The following ANKRD30BL variants were observed in gnomAD, a reference collection of about 807,000 sequenced individuals.
ANKRD30BL encodes the protein ankyrin repeat domain 30B like, also known as putative ankyrin repeat domain-containing protein 30B-like.
A neutral mutation model predicts 18.4 loss-of-function variants in ANKRD30BL; 20 were observed. The ratio of observed to expected loss-of-function variants is 1.09; its 90% CI spans 0.77 to 1.58. The LOEUF (loss-of-function observed/expected upper bound fraction) is 1.58, where lower values mean the gene tolerates loss of function less well. ANKRD30BL is among the 40% of genes most tolerant of loss of function. The pLI, the probability that ANKRD30BL is intolerant of heterozygous loss-of-function variation, is 0.00. For missense variants in ANKRD30BL, 224 were observed against 268.6 expected (o/e 0.83, Z 1.16); for synonymous variants, 72 against 100.9 (o/e 0.71, Z 1.72).
chr2:132,203,744 C>A (rs9630952), intron 1 of ANKRD30BL, among the ~76,000 whole-genome samples: 1 of 142,418 alleles, frequency 7.0e-6, no homozygotes, highest in Non-Finnish European at 1.6e-5. Context: ...AAAGGAAAAC[C>A]GATTTTCTTT....
intron 1 of ANKRD30BL, among the ~76,000 whole-genome samples, chr2:132,219,142 C>A (rs1679595890): frequency 6.6e-6 from 1 of 151,314 alleles, no homozygotes; most frequent in Non-Finnish European, 1.5e-5. Flanking sequence ...AGGGGAGTAT[C>A]TTCACATAAA....
At chr2:132,189,180 G>T (rs1438121841) in intron 1 of ANKRD30BL, among the ~76,000 whole-genome samples, 1 of 152,192 alleles carries the variant, frequency 6.6e-6, no homozygotes, top group Admixed American at 6.5e-5. Context: ...AGGAAATTCT[G>T]CACTTAGATG....
At chr2:132,216,938 C>T (rs1679521042) in intron 1 of ANKRD30BL, among the ~76,000 whole-genome samples, 1 of 151,864 alleles carries the variant, frequency 6.6e-6, no homozygotes, top group Non-Finnish European at 1.5e-5. Flanking sequence ...AATCACTAGA[C>T]AGAAGCATTC....
upstream of ANKRD30BL, among the ~76,000 whole-genome samples, chr2:132,165,765 CTTT>C (rs542769216): frequency 3.6e-5 from 5 of 137,758 alleles, no homozygotes; most frequent in Non-Finnish European, 1.6e-5. Flanking sequence ...ATATGTAAGA[CTTT>C]TTTTTTTTTT....
chr2:132,222,843 A>AAAAAAAAAAAAAAAAAAAAAAAAAAAAAC (rs1679730621), intron 1 of ANKRD30BL, among the ~76,000 whole-genome samples: 1 of 116,958 alleles, frequency 8.6e-6, no homozygotes, highest in Non-Finnish European at 1.6e-5. Flanking sequence ...AAAAAAAAAA[A>AAAAAAAAAAAAAAAAAAAAAAAAAAAAAC]AAAAAAAAAA....
chr2:132,232,425 T>C (rs1231146435), intron 1 of ANKRD30BL, among the ~76,000 whole-genome samples: 1 of 152,116 alleles, frequency 6.6e-6, no homozygotes. Context: ...GCAAAGAAGT[T>C]GAAAACTTTG....
intron 1 of ANKRD30BL, among the ~76,000 whole-genome samples, chr2:132,242,454 T>C (rs1365489047): frequency 1.3e-5 from 2 of 151,822 alleles, no homozygotes; most frequent in African/African-American, 4.8e-5. Flanking sequence ...TTCCCTTTCA[T>C]AGAGCAGGGT....
chr2:132,256,469 T>C (rs1336400446), intron 1 of ANKRD30BL, among the ~76,000 whole-genome samples: 3 of 152,294 alleles, frequency 2.0e-5, no homozygotes, highest in Admixed American at 6.5e-5. Context: ...CGGCCACTCA[T>C]GCGCGGAGGG....
intron 1 of ANKRD30BL, among the ~76,000 whole-genome samples, chr2:132,160,401 C>CTTTTTTTT (rs33924872): frequency 9.4e-4 from 92 of 97,550 alleles, no homozygotes; most frequent in African/African-American, 3.7e-3. Flanking sequence ...ACGCCTGGCC[C>CTTTTTTTT]TTTTTTTTTT....
intron 1 of ANKRD30BL, among the ~76,000 whole-genome samples, chr2:132,229,418 A>T (rs879217557): frequency 6.6e-6 from 1 of 152,026 alleles, no homozygotes; most frequent in Admixed American, 6.6e-5. Flanking sequence ...CATTTGGAGC[A>T]CTTTGATTCC....
chr2:132,172,795 C>T (rs1476066875), intron 1 of ANKRD30BL, among the ~76,000 whole-genome samples: 2 of 151,970 alleles, frequency 1.3e-5, no homozygotes, highest in African/African-American at 2.4e-5. Flanking sequence ...GAAACCTCCG[C>T]CTCCCAGGTT....
intron 1 of ANKRD30BL, among the ~76,000 whole-genome samples, chr2:132,183,283 C>T (rs1266135190): frequency 1.3e-5 from 2 of 152,098 alleles, no homozygotes; most frequent in African/African-American, 4.8e-5. Context: ...AGACATGTGC[C>T]ATCATGCCCA....
intron 1 of ANKRD30BL, among the ~76,000 whole-genome samples, chr2:132,177,903 GTTTT>G (rs575923126): frequency 6.6e-6 from 1 of 151,776 alleles, no homozygotes; most frequent in Non-Finnish European, 1.5e-5. Flanking sequence ...TTTTTGTTTG[GTTTT>G]TTTGTTTGTT....
At chr2:132,245,161 C>G (rs925304030) in intron 1 of ANKRD30BL, among the ~76,000 whole-genome samples, 28 of 152,246 alleles carry the variant, frequency 1.8e-4, no homozygotes, top group Non-Finnish European at 7.3e-5. Context: ...GTTTTCAACT[C>G]AAAGAGTTGA....
chr2:132,252,563 G>A lies in ANKRD30BL; in HGVS notation n.441+4966C>T, dbSNP rs1327128597. On this transcript the variant is annotated intron_variant and non_coding_transcript_variant, in intron 1 of 4. Transcript: ENST00000470729. ...GGGGGCAGGCAGGGGGTGGGTGGGC[G>A]AGGAGGACGGTGCCTCAGAGGAGTG... Among the ~76,000 whole-genome samples the A allele has an allele frequency of 3.1e-4, 47 of 151,838 alleles. No homozygotes were observed. The East Asian group carries it at 4.9e-3, about 16-fold the overall frequency.
intron 1 of ANKRD30BL, among the ~76,000 whole-genome samples, chr2:132,206,338 T>A (rs759029473): frequency 2.2e-4 from 34 of 152,056 alleles, no homozygotes; most frequent in Non-Finnish European, 4.4e-4. Flanking sequence ...AAGGTGGAGA[T>A]GTTGATTAAA....
At chr2:132,171,165 A>AC (rs1688275140) in intron 1 of ANKRD30BL, among the ~76,000 whole-genome samples, 1 of 151,848 alleles carries the variant, frequency 6.6e-6, no homozygotes, top group African/African-American at 2.4e-5. Flanking sequence ...AAAAAAAAAA[A>AC]AAAGAATAAC....
At chr2:132,196,929 G>T (rs4578909) in intron 1 of ANKRD30BL, among the ~76,000 whole-genome samples, 1 of 152,174 alleles carries the variant, frequency 6.6e-6, no homozygotes, top group African/African-American at 2.4e-5. Context: ...CAGATAAAAG[G>T]ATTTAAAAGT....
intron 1 of ANKRD30BL, among the ~76,000 whole-genome samples, chr2:132,235,642 G>A (rs746447439): frequency 1.2e-3 from 186 of 152,164 alleles, no homozygotes; most frequent in Middle Eastern, 3.4e-3. Flanking sequence ...GGATGTGAAG[G>A]AACTCTTCAA....
Sources: gnomAD v4.1 joint callset for allele counts (sites outside exome capture counted in the v4.1 genomes callset) on GRCh38, gnomAD v4.1.1 for gene constraint, MANE v1.5 for transcripts, NCBI Gene and HGNC (gene_info 2026-07-23, HGNC 2026-07-21) for gene names.